The following MCPH1 variants were observed in gnomAD, a reference collection of about 807,000 sequenced individuals.
MCPH1 encodes microcephalin.
A neutral mutation model predicts 84.5 loss-of-function variants in MCPH1; 104 were observed. The ratio of observed to expected loss-of-function variants is 1.23; its 90% CI spans 1.05 to 1.45. MCPH1 has a LOEUF of 1.45. Ranked by LOEUF, MCPH1 falls within the 40% of genes most tolerant of loss-of-function variation. MCPH1 has a pLI of 0.00. For missense variants in MCPH1, 1,498 were observed against 1,005.7 expected, an observed-to-expected ratio of 1.49 and a Z score of -6.62; for synonymous variants, 514 against 366.8, an observed-to-expected ratio of 1.40 and a Z score of -4.58.
chr8:6,470,390 T>C lies in MCPH1; in HGVS notation c.1936-7204T>C, dbSNP rs571473606. ...CTTCCGTCTCCCGGGTTCAAGCGAT[T>C]CTCCTACCTCAGCCTCCTGAGTAGC... On this transcript the variant is annotated intron_variant, in intron 9 of 13. Transcript: ENST00000344683. 5.3e-5 allele frequency among the ~76,000 whole-genome samples: 8 copies of C among 152,268 alleles called. No individual in the cohort carries two copies. In the South Asian group the frequency reaches 1.2e-3, roughly 24 times the overall value.
intron 10 of MCPH1, among the ~76,000 whole-genome samples, chr8:6,478,371 T>A (rs548976269): frequency 1.5e-3 from 232 of 152,312 alleles, no homozygotes; most frequent in Non-Finnish European, 2.2e-3. Flanking sequence ...GTAAATATAT[T>A]ATGAAATATA....
At chr8:6,624,983 C>A in intron 13 of MCPH1, 1 of 589,670 alleles carries the variant, frequency 1.7e-6, no homozygotes, top group Non-Finnish European at 2.1e-6. Flanking sequence ...TCAAGTGATT[C>A]TTCTGCCTCA....
chr8:6,534,196 A>G (rs1312895772), intron 12 of MCPH1, among the ~76,000 whole-genome samples: 1 of 151,394 alleles, frequency 6.6e-6, no homozygotes, highest in African/African-American at 2.4e-5. Context: ...CCACACCATC[A>G]ATATATTTTA....
chr8:6,503,326 C>A, intron 12 of MCPH1: 1 of 1,567,426 alleles, frequency 6.4e-7, no homozygotes, highest in East Asian at 2.2e-5. Flanking sequence ...ACGAAGACAG[C>A]AATACTCAGC....
intron 12 of MCPH1, among the ~76,000 whole-genome samples, chr8:6,583,581 A>G (rs1827734659): frequency 6.6e-6 from 1 of 152,350 alleles, no homozygotes; most frequent in East Asian, 1.9e-4. Flanking sequence ...GGACACCTGA[A>G]TGAAGGACAG....
chr8:6,515,455 A>G (rs1006718616), intron 12 of MCPH1, among the ~76,000 whole-genome samples: 8 of 152,192 alleles, frequency 5.3e-5, no homozygotes, highest in Non-Finnish European at 8.8e-5. Context: ...TTCTCTGTAC[A>G]TAGCTCACTG....
chr8:6,629,589 C>G (rs963119228), intron 13 of MCPH1, among the ~76,000 whole-genome samples: 1 of 152,226 alleles, frequency 6.6e-6, no homozygotes, highest in East Asian at 1.9e-4. Context: ...CAGGAAGCCT[C>G]AGGAGAAACT....
intron 11 of MCPH1, among the ~76,000 whole-genome samples, chr8:6,497,680 G>C (rs566217031): frequency 6.6e-6 from 1 of 152,224 alleles, no homozygotes; most frequent in Admixed American, 6.5e-5. Flanking sequence ...TAGCACTCCA[G>C]TGGGAGACAT....
chr8:6,428,499 G>C (rs1034401420), intron 3 of MCPH1, among the ~76,000 whole-genome samples: 1 of 152,132 alleles, frequency 6.6e-6, no homozygotes, highest in Admixed American at 6.5e-5. Context: ...AATGAAACTT[G>C]CACCCCTTAG....
At chr8:6,544,843 T>C (rs1822264701) in intron 12 of MCPH1, among the ~76,000 whole-genome samples, 1 of 152,194 alleles carries the variant, frequency 6.6e-6, no homozygotes, top group African/African-American at 2.4e-5. Context: ...AGACTCGAAA[T>C]ATGTTTTGAG....
chr8:6,528,936 G>A (rs1160791902), intron 12 of MCPH1, among the ~76,000 whole-genome samples: 1 of 152,164 alleles, frequency 6.6e-6, no homozygotes, highest in Non-Finnish European at 1.5e-5. Flanking sequence ...TTTTGTTTGG[G>A]TTTTAATATT....
chr8:6,435,059 C>T (rs1802444153), intron 4 of MCPH1, among the ~76,000 whole-genome samples: 1 of 152,064 alleles, frequency 6.6e-6, no homozygotes, highest in East Asian at 1.9e-4. Flanking sequence ...TAGAGTTAAC[C>T]CAAGACCTTC....
intron 12 of MCPH1, among the ~76,000 whole-genome samples, chr8:6,530,562 C>A (rs1337308705): frequency 1.3e-5 from 1 of 79,058 alleles, no homozygotes; most frequent in Non-Finnish European, 3.1e-5. Flanking sequence ...TACTTTTGGT[C>A]CAACCTAATA....
rs111504746 is a variant in MCPH1, at chr8:6,555,072, A to G, written c.2214+55143A>G. On this transcript the variant is annotated intron_variant, in intron 12 of 13. Coordinates refer to ENST00000344683, the MANE Select transcript of MCPH1 (RefSeq NM_024596.5). The stretch of plus-strand genomic sequence containing the variant: ...ATAAAACAGTCATTTTAATTCCAAC[A>G]AATGGTTCATACTGGTATTCTAAAC... Among the ~76,000 whole-genome samples, 1,107 of 152,284 alleles carry G rather than the reference A, an allele frequency of 7.3e-3. 17 individuals carry two copies. Among genetic ancestry groups the G allele is most frequent in the African/African-American group, 0.025 (1,034 of 41,552 alleles).
intron 3 of MCPH1, among the ~76,000 whole-genome samples, chr8:6,420,479 G>A (rs77347441): frequency 0.024 from 3,626 of 152,280 alleles, 73 homozygotes; most frequent in African/African-American, 0.052. Context: ...CAGTGAGAAT[G>A]TAGGTCATAT....
At chr8:6,453,088 T>C (rs1805269654) in intron 8 of MCPH1, among the ~76,000 whole-genome samples, 1 of 152,174 alleles carries the variant, frequency 6.6e-6, no homozygotes, top group Non-Finnish European at 1.5e-5. Context: ...TGACAACCCA[T>C]GAAAAAACCA....
chr8:6,573,946 G>C (rs981453762), intron 12 of MCPH1, among the ~76,000 whole-genome samples: 1 of 152,176 alleles, frequency 6.6e-6, no homozygotes, highest in South Asian at 2.1e-4. Flanking sequence ...CTAGGTTTGT[G>C]GAAGAAGCAA....
chr8:6,627,494 T>G (rs960671330), intron 13 of MCPH1, among the ~76,000 whole-genome samples: 4 of 152,234 alleles, frequency 2.6e-5, no homozygotes, highest in Admixed American at 2.0e-4. Context: ...ATTTTTCCTT[T>G]GAGTTGTTCT....
chr8:6,461,625 C>T (rs914220377), intron 9 of MCPH1, among the ~76,000 whole-genome samples: 4 of 152,096 alleles, frequency 2.6e-5, no homozygotes, highest in African/African-American at 7.2e-5. Context: ...CAGGCGTGAG[C>T]CACCACACCC....
Sources: allele counts gnomAD v4.1 joint callset (sites outside exome capture counted in the v4.1 genomes callset), GRCh38; gene constraint gnomAD v4.1.1; transcripts MANE v1.5; gene names NCBI Gene and HGNC (gene_info 2026-07-23, HGNC 2026-07-21).